GLB1: variants seen among roughly 807,000 people sequenced by gnomAD.
GLB1 encodes beta-galactosidase.
Under a neutral mutation model 74.0 loss-of-function variants are expected in GLB1, and 56 were observed. The observed-to-expected ratio is 0.76, with a 90% CI of 0.61 to 0.94. The LOEUF (loss-of-function observed/expected upper bound fraction) is 0.94, where lower values mean the gene tolerates loss of function less well. Ranked by LOEUF, GLB1 falls within the 40% of genes least tolerant of loss-of-function variation. GLB1 has a pLI of 0.00. For missense variants in GLB1, 787 were observed against 845.5 expected (o/e 0.93, Z 0.86); for synonymous variants, 323 against 323.6 (o/e 1.00, Z 0.02).
At chr3:32,963,932 A>T in the GLB1 span, among the ~76,000 whole-genome samples, 1 of 152,226 alleles carries the variant, frequency 6.6e-6, no homozygotes, top group Non-Finnish European at 1.5e-5. Context: ...CCACACAGAG[A>T]TACTCTAGAA....
At chr3:33,070,205 A>C (rs1465757215) in intron 2 of GLB1, among the ~76,000 whole-genome samples, 1 of 152,150 alleles carries the variant, frequency 6.6e-6, no homozygotes, top group African/African-American at 2.4e-5. Flanking sequence ...CAGTTAAATA[A>C]ATTTCTGACA....
intron 1 of GLB1, chr3:33,096,402 C>T (rs1384628586): frequency 2.1e-6 from 2 of 952,246 alleles, no homozygotes; most frequent in East Asian, 1.2e-4. Context: ...GCCTATTCCC[C>T]CCCTCAACCT....
chr3:32,990,818 C>T, the GLB1 span, among the ~76,000 whole-genome samples: 4 of 151,926 alleles, frequency 2.6e-5, no homozygotes, highest in Admixed American at 6.6e-5. Flanking sequence ...CTAAAAAATA[C>T]AAAAAATTAG....
chr3:32,972,139 T>C, the GLB1 span, among the ~76,000 whole-genome samples: 1 of 152,160 alleles, frequency 6.6e-6, no homozygotes, highest in African/African-American at 2.4e-5. Context: ...AGACAGGTCA[T>C]GGGGGTACCG....
chr3:32,978,500 T>C, the GLB1 span, among the ~76,000 whole-genome samples: 1 of 152,232 alleles, frequency 6.6e-6, no homozygotes, highest in Non-Finnish European at 1.5e-5. Flanking sequence ...AGGAGTTTTG[T>C]AACAGACGGC....
At chr3:33,023,382 G>A (rs1697586127) in intron 11 of GLB1, among the ~76,000 whole-genome samples, 1 of 152,184 alleles carries the variant, frequency 6.6e-6, no homozygotes, top group Non-Finnish European at 1.5e-5. Context: ...TTTGTAGAAT[G>A]TAGCACAGGT....
chr3:33,030,839 A>C (rs1697973784), intron 10 of GLB1: 1 of 985,250 alleles, frequency 1.0e-6, no homozygotes, highest in Non-Finnish European at 1.2e-6. Context: ...AAAACTCTTA[A>C]AATGGGTCTT....
At chr3:32,964,770 T>C in the GLB1 span, among the ~76,000 whole-genome samples, 1 of 152,226 alleles carries the variant, frequency 6.6e-6, no homozygotes, top group Non-Finnish European at 1.5e-5. Context: ...TCACAGTTGA[T>C]ATGATTTGGC....
the GLB1 span, among the ~76,000 whole-genome samples, chr3:32,975,825 T>C: frequency 1.3e-5 from 2 of 152,198 alleles, no homozygotes; most frequent in Non-Finnish European, 2.9e-5. Flanking sequence ...CTGATCTATC[T>C]GGAGGAGAAT....
chr3:33,062,888 C>T (rs563243850), intron 5 of GLB1, among the ~76,000 whole-genome samples: 91 of 152,282 alleles, frequency 6.0e-4, no homozygotes, highest in African/African-American at 2.1e-3. Context: ...CAGAGCCGTT[C>T]GGTGGGTATG....
intron 10 of GLB1, among the ~76,000 whole-genome samples, chr3:33,044,907 A>G (rs928245678): frequency 6.6e-6 from 1 of 152,326 alleles, no homozygotes; most frequent in African/African-American, 2.4e-5. Flanking sequence ...AAAGGGTACA[A>G]CGCTAGCAGG....
Position 33,021,761 on chromosome 3 carries a change from C to A in GLB1, c.1144-106G>T, listed in dbSNP as rs1221858829. ...AGACATCAGTGGGTTTGACCAAACC[C>A]CTAAATAAACCTAAATCATTCAAAT... On this transcript the variant is annotated intron_variant, in intron 11 of 15. Transcript: ENST00000307363. 4 of 1,204,518 alleles carry A rather than the reference C, an allele frequency of 3.3e-6. No homozygotes were observed. The African/African-American group carries it at 6.0e-5, about 18-fold the overall frequency. The allele number at this position is 1,204,518 out of a possible 1,614,324, so 74.6% of individuals were successfully genotyped here. A position where few individuals can be genotyped will look rare whatever the true frequency, so the allele number is the denominator to read the frequency against.
intron 1 of GLB1, among the ~76,000 whole-genome samples, chr3:33,090,192 T>A (rs556871852): frequency 2.3e-4 from 35 of 152,332 alleles, no homozygotes; most frequent in Admixed American, 2.3e-3. Context: ...TAGCTATGCT[T>A]TTTGAAAAAG....
intron 11 of GLB1, 28 bp from the exon 12 acceptor site, chr3:33,021,683 A>C (rs763618838): frequency 8.7e-6 from 14 of 1,607,104 alleles, no homozygotes; most frequent in Non-Finnish European, 1.2e-5. Flanking sequence ...CAGCATTCAC[A>C]CACTGCACCC....
At chr3:32,988,185 CAA>C in the GLB1 span, among the ~76,000 whole-genome samples, 1,224 of 60,312 alleles carry the variant, frequency 0.02, 11 homozygotes, top group African/African-American at 0.065. Flanking sequence ...GACTCCATCT[CAA>C]AAAAAAAAAA....
chr3:33,000,478 G>C (rs1484835954), intron 15 of GLB1, among the ~76,000 whole-genome samples: 3 of 152,200 alleles, frequency 2.0e-5, no homozygotes, highest in Admixed American at 6.5e-5. Context: ...TGCAATCCCA[G>C]TACTTTGGGA....
chr3:33,096,785 G>A, intron 1 of GLB1: 3 of 1,337,324 alleles, frequency 2.2e-6, no homozygotes, highest in Non-Finnish European at 1.9e-6. Flanking sequence ...GGAGCGGAAC[G>A]CACAAGCGAC....
chr3:32,991,190 CCA>C, the GLB1 span, among the ~76,000 whole-genome samples: 12 of 152,070 alleles, frequency 7.9e-5, no homozygotes, highest in African/African-American at 2.7e-4. Context: ...CTGCCTGTGT[CCA>C]GTTAATTCCC....
At chr3:33,009,490 C>G (rs1302528338) in intron 15 of GLB1, among the ~76,000 whole-genome samples, 1 of 151,908 alleles carries the variant, frequency 6.6e-6, no homozygotes, top group Non-Finnish European at 1.5e-5. Context: ...CCATTGCACT[C>G]CAGCCTGGGT....
Sources: gnomAD v4.1 joint callset for allele counts (sites outside exome capture counted in the v4.1 genomes callset) on GRCh38, gnomAD v4.1.1 for gene constraint, MANE v1.5 for transcripts, NCBI Gene and HGNC (gene_info 2026-07-23, HGNC 2026-07-21) for gene names.